CEACAM3: variants seen among roughly 807,000 people sequenced by gnomAD.
CEACAM3 encodes CEA cell adhesion molecule 3, also known as cell adhesion molecule CEACAM3.
Under a neutral mutation model 30.1 loss-of-function variants are expected in CEACAM3, and 32 were observed. The observed-to-expected ratio is 1.06, with a 90% CI of 0.80 to 1.43. The LOEUF is 1.43. CEACAM3 is among the 40% of genes most tolerant of loss of function. The pLI is 0.00. For missense variants in CEACAM3, 290 were observed against 316.3 expected, an observed-to-expected ratio of 0.92 and a Z score of 0.63; for synonymous variants, 134 against 127.2, an observed-to-expected ratio of 1.05 and a Z score of -0.36.
At chr19:41,811,048 G>T in intron 6 of CEACAM3, 124 bp from the exon 7 acceptor site, 1 of 1,278,796 alleles carries the variant, frequency 7.8e-7, no homozygotes. Context: ...CTTGGGAGCA[G>T]GAACCCCCTG....
intron 2 of CEACAM3, chr19:41,807,348 T>C (rs1555826938): frequency 6.2e-7 from 1 of 1,606,504 alleles, no homozygotes; most frequent in African/African-American, 1.3e-5. Flanking sequence ...CCGAACCCAG[T>C]GGGTGCCAGC....
At chr19:41,800,909 C>T (rs1490245751) in intron 2 of CEACAM3, among the ~76,000 whole-genome samples, 3 of 152,090 alleles carry the variant, frequency 2.0e-5, no homozygotes, top group African/African-American at 4.8e-5. Context: ...GTTCTTTTAT[C>T]TCTTTATCTT....
At chr19:41,804,501 C>T (rs1460027040) in intron 2 of CEACAM3, among the ~76,000 whole-genome samples, 1 of 152,180 alleles carries the variant, frequency 6.6e-6, no homozygotes, top group Non-Finnish European at 1.5e-5. Flanking sequence ...GAGGTGAGGG[C>T]TCTTTTGACA....
chr19:41,806,648 C>A (rs1188494013), intron 2 of CEACAM3, among the ~76,000 whole-genome samples: 5 of 152,212 alleles, frequency 3.3e-5, no homozygotes, highest in Admixed American at 6.5e-5. Context: ...ACACACACAT[C>A]TGTCTTCGTC....
rs201038416 is a variant in CEACAM3 at position 41,810,016 on chromosome 19, T to C, written c.594T>C (p.Pro198=). 6.2e-6 allele frequency: 10 copies of C among 1,613,782 alleles called. No homozygotes were observed. Among genetic ancestry groups the C allele is most frequent in the Admixed American group, 3.3e-5 (2 of 59,998 alleles). Residue 198 remains proline (P), a splice_region_variant and synonymous_variant, in exon 4 of 7, where the codon CCT becomes CCC. Transcript: ENST00000357396. ...AGCAGCAGCCCCAAGCCCTTGCCCC[T>C]GGTGAGTGTCCTCTCAGCCCAGGTG... is the stretch of plus-strand genomic sequence containing the variant. ...LKEQQPQALA[P]GRGPSHSSAF... is the part of the protein sequence containing the mutation.
chr19:41,806,426 C>A (rs1426801780), intron 2 of CEACAM3, among the ~76,000 whole-genome samples: 1 of 152,130 alleles, frequency 6.6e-6, no homozygotes, highest in Non-Finnish European at 1.5e-5. Flanking sequence ...ACCTCAGCAC[C>A]AGCATGTTCC....
intron 4 of CEACAM3, 138 bp downstream of exon 4, chr19:41,810,155 G>C (rs1416618966): frequency 2.0e-5 from 26 of 1,275,048 alleles, no homozygotes; most frequent in Non-Finnish European, 2.8e-5. Flanking sequence ...CATCACACAG[G>C]GGACCCCAAT....
intron 2 of CEACAM3, among the ~76,000 whole-genome samples, chr19:41,799,886 C>T (rs937147645): frequency 2.5e-4 from 38 of 152,114 alleles, no homozygotes; most frequent in African/African-American, 9.2e-4. Flanking sequence ...TGTTGCATTC[C>T]TCTAACCCCT....
intron 1 of CEACAM3, chr19:41,797,136 G>A (rs752984874): frequency 1.5e-4 from 35 of 237,890 alleles, no homozygotes; most frequent in Non-Finnish European, 2.5e-4. Context: ...TTTAGGCACT[G>A]GCGTACAACA....
At chr19:41,798,003 A>G (rs562104329) in intron 2 of CEACAM3, 55 bp downstream of exon 2, 2 of 1,558,736 alleles carry the variant, frequency 1.3e-6, no homozygotes, top group South Asian at 1.2e-5. Context: ...CTTCCCACAT[A>G]TGGGATTGTC....
intron 4 of CEACAM3, 133 bp from the exon 5 acceptor site, chr19:41,810,190 G>A: frequency 7.6e-7 from 1 of 1,322,154 alleles, no homozygotes; most frequent in East Asian, 2.4e-5. Context: ...CTCACCTGTG[G>A]GCTCTGGGTC....
intron 1 of CEACAM3, 38 bp from the exon 2 acceptor site, chr19:41,797,551 A>G (rs782776854): frequency 1.9e-6 from 3 of 1,585,372 alleles, no homozygotes; most frequent in Admixed American, 1.7e-5. Flanking sequence ...ATCCCAATAC[A>G]TGGGTCCCAA....
chr19:41,806,389 A>G (rs1295697535), intron 2 of CEACAM3, among the ~76,000 whole-genome samples: 1 of 152,092 alleles, frequency 6.6e-6, no homozygotes, highest in Admixed American at 6.5e-5. Context: ...ATACCTGGAA[A>G]GAATAACCTC....
intron 2 of CEACAM3, among the ~76,000 whole-genome samples, chr19:41,799,606 C>A (rs1204207354): frequency 6.6e-6 from 1 of 152,188 alleles, no homozygotes; most frequent in Non-Finnish European, 1.5e-5. Flanking sequence ...GCCTCCCTCT[C>A]AGATGCGCAC....
chr19:41,798,228 C>G (rs1555825560), intron 2 of CEACAM3, among the ~76,000 whole-genome samples: 1 of 152,164 alleles, frequency 6.6e-6, no homozygotes, highest in Non-Finnish European at 1.5e-5. Context: ...CATGGTCTCC[C>G]CATGGACCTG....
At chr19:41,802,246 C>T (rs1364754737) in intron 2 of CEACAM3, among the ~76,000 whole-genome samples, 1 of 152,192 alleles carries the variant, frequency 6.6e-6, no homozygotes, top group African/African-American at 2.4e-5. Context: ...CTATGGGGCT[C>T]CCATCCTCCA....
chr19:41,807,009 G>A, intron 2 of CEACAM3: 2 of 1,534,650 alleles, frequency 1.3e-6, no homozygotes, highest in Admixed American at 1.8e-5. Context: ...TTTAAGGAGT[G>A]GAGTTGGCCA....
chr19:41,800,364 T>C (rs1555825858), intron 2 of CEACAM3, among the ~76,000 whole-genome samples: 2 of 152,068 alleles, frequency 1.3e-5, no homozygotes, highest in African/African-American at 4.8e-5. Context: ...GGTCTAGCGG[T>C]AGCGTAAGTG....
At chr19:41,797,515 C>G in intron 1 of CEACAM3, 74 bp from the exon 2 acceptor site, 1 of 1,545,258 alleles carries the variant, frequency 6.5e-7, no homozygotes, top group Admixed American at 1.9e-5. Context: ...AAGAGACTCT[C>G]TCAGGACCCA....
Sources: gnomAD v4.1 joint callset for allele counts (sites outside exome capture counted in the v4.1 genomes callset) on GRCh38, gnomAD v4.1.1 for gene constraint, MANE v1.5 for transcripts, NCBI Gene and HGNC (gene_info 2026-07-23, HGNC 2026-07-21) for gene names.